The following CENPC variants were observed in gnomAD, a reference collection of about 807,000 sequenced individuals.
CENPC encodes the protein CENP-C 1.
Under a neutral mutation model 112.1 loss-of-function variants are expected in CENPC, and 63 were observed. That is an observed-to-expected ratio of 0.56 (90% CI 0.46 to 0.69). The LOEUF is 0.69. Ranked by LOEUF, CENPC falls within the 30% of genes least tolerant of loss-of-function variation. The probability of loss-of-function intolerance (pLI) is 0.00; values close to 1 mark genes in which losing one functional copy is unlikely to be tolerated. For missense variants in CENPC, 1,000 were observed against 1,103.8 expected (o/e 0.91, Z 1.33); for synonymous variants, 333 against 367.6 (o/e 0.91, Z 1.08).
chr4:67,522,580 G>A (rs1286439397), intron 5 of CENPC, among the ~76,000 whole-genome samples: 1 of 152,188 alleles, frequency 6.6e-6, no homozygotes, highest in Admixed American at 6.5e-5. Flanking sequence ...GCCAAGCAGA[G>A]CCATATAGCC....
Position 67,472,450 on chromosome 4 carries a change from G to A in CENPC, c.*155C>T. On this transcript the variant is annotated 3_prime_UTR_variant, in exon 19 of 19. Coordinates refer to ENST00000273853, the MANE Select transcript of CENPC (RefSeq NM_001812.4). ...CTGAAAAATCAGAAAAAACATGTGA[G>A]TTAGAAATGTTTATCAAATACAAGT... The A allele has an allele frequency of 9.8e-7, 1 of 1,021,536 alleles. No individual in the cohort carries two copies. Among genetic ancestry groups the A allele is most frequent in the South Asian group, 4.2e-5 (1 of 23,910 alleles). The allele number at this position is 1,021,536 out of a possible 1,614,324, so 63.3% of individuals were successfully genotyped here. A position where few individuals can be genotyped will look rare whatever the true frequency, so the allele number is the denominator to read the frequency against.
At position 67,492,975 on chromosome 4, in the gene CENPC, T is replaced by C; in HGVS notation, c.2313A>G (p.Val771=). 5 of 1,536,022 alleles carry C rather than the reference T, an allele frequency of 3.3e-6. No homozygotes were observed. Among genetic ancestry groups the C allele is most frequent in the Non-Finnish European group, 4.4e-6 (5 of 1,143,434 alleles). ...TAGACGATATTGTGTCTGGAGATAG[T>C]ACTCCACTAATCACGAATCCTCCTG... ...RPSGGFVISG[V]LSPDTISSKR... Residue 771 remains valine, a synonymous_variant, in exon 15 of 19, where the codon GTA becomes GTG. Transcript: ENST00000273853.
chr4:67,476,132 C>G (rs1170265648), intron 17 of CENPC, among the ~76,000 whole-genome samples: 2 of 152,100 alleles, frequency 1.3e-5, no homozygotes, highest in African/African-American at 4.8e-5. Flanking sequence ...ATAGCACATA[C>G]AGGAAAAAGT....
intron 16 of CENPC, among the ~76,000 whole-genome samples, chr4:67,490,855 T>TAC (rs1560422700): frequency 2.2e-4 from 4 of 18,538 alleles, no homozygotes; most frequent in Admixed American, 1.1e-3. Flanking sequence ...TATATATATA[T>TAC]ATATATATAT....
chr4:67,502,150 A>G (rs1359780945), intron 12 of CENPC, among the ~76,000 whole-genome samples: 4 of 152,088 alleles, frequency 2.6e-5, no homozygotes, highest in African/African-American at 9.7e-5. Flanking sequence ...ACTCAAGATT[A>G]TGTTCTCTAT....
At position 67,490,066 on chromosome 4, in the gene CENPC, CT is replaced by C; in HGVS notation, c.2570del (p.Lys857ArgfsTer16). The C allele has an allele frequency of 6.2e-7, 1 of 1,609,638 alleles. No individual in the cohort carries two copies. The highest frequency in any genetic ancestry group is 1.1e-5 in the South Asian group (1 of 90,180). ...YQFFVKHGELKVYKTLDTPFF... is the reference protein window; with the variant it reads ...YQFFVKHGELXVYKTLDTPFF... ...AGGGTGTATCCAATGTCTTGTATACCTTCAACTCACCATGCTTAACAAAAAA... is the reference window on the plus strand; with the variant it reads ...AGGGTGTATCCAATGTCTTGTATACCTCAACTCACCATGCTTAACAAAAAA... On this transcript the variant is annotated frameshift_variant, in exon 17 of 19. Coordinates refer to ENST00000273853, the MANE Select transcript of CENPC (RefSeq NM_001812.4). LOFTEE classifies it high-confidence loss of function.
At chr4:67,530,064 C>A (rs144286859) in intron 5 of CENPC, among the ~76,000 whole-genome samples, 2 of 151,526 alleles carry the variant, frequency 1.3e-5, no homozygotes, top group Non-Finnish European at 2.9e-5. Context: ...TGTTACATAC[C>A]GAAACACATT....
At chr4:67,500,319 G>C (rs896441346) in intron 12 of CENPC, among the ~76,000 whole-genome samples, 2 of 152,082 alleles carry the variant, frequency 1.3e-5, no homozygotes, top group African/African-American at 4.8e-5. Context: ...AATAGATATA[G>C]ATGCCTGTAT....
chr4:67,516,783 C>T (rs796149020), intron 7 of CENPC, among the ~76,000 whole-genome samples: 8 of 152,048 alleles, frequency 5.3e-5, no homozygotes, highest in East Asian at 3.9e-4. Flanking sequence ...AACTATGAAA[C>T]GCTTTGTAGC....
At chr4:67,487,001 G>A (rs1411558044) in intron 17 of CENPC, among the ~76,000 whole-genome samples, 1 of 139,938 alleles carries the variant, frequency 7.1e-6, no homozygotes, top group Non-Finnish European at 1.5e-5. Context: ...TTAAGGCATG[G>A]GGTTGGCAAG....
Position 67,544,152 on chromosome 4 carries a change from G to C in CENPC, c.62C>G (p.Ser21Cys), listed in dbSNP as rs1467532508. The C allele has an allele frequency of 6.7e-7, 1 of 1,503,614 alleles. No homozygotes were observed. The allele number at this position is 1,503,614 out of a possible 1,614,324, so 93.1% of individuals were successfully genotyped here. A position where few individuals can be genotyped will look rare whatever the true frequency, so the allele number is the denominator to read the frequency against. The change falls in exon 2 of 19, where the codon TCC becomes TGC. Residue 21 changes from serine (S) to cysteine (C), a missense_variant. Coordinates refer to ENST00000273853, the MANE Select transcript of CENPC (RefSeq NM_001812.4). The part of the protein sequence containing the change: ...NGYRRRFCRP[S>C]RARDINTEQG... ...AAAGCTTAAGTACGTAAATCACCTG[G>C]AAGGTCGACAAAATCTTCTTCTGTA...
At chr4:67,509,633 T>C (rs1273364748) in intron 9 of CENPC, among the ~76,000 whole-genome samples, 1 of 152,178 alleles carries the variant, frequency 6.6e-6, no homozygotes, top group African/African-American at 2.4e-5. Flanking sequence ...GCAAGACTAC[T>C]ACTCCTATCC....
At chr4:67,543,535 A>G (rs774342552) in intron 2 of CENPC, among the ~76,000 whole-genome samples, 4 of 152,202 alleles carry the variant, frequency 2.6e-5, no homozygotes, top group Non-Finnish European at 5.9e-5. Flanking sequence ...ATTTTTGTCC[A>G]TTAAATTGTT....
At chr4:67,530,946 AT>A in intron 4 of CENPC, 32 bp from the exon 5 acceptor site, 2 of 1,129,412 alleles carry the variant, frequency 1.8e-6, no homozygotes, top group South Asian at 1.5e-5. Context: ...CATTAGAACT[AT>A]TTTATTAACT....
At chr4:67,523,725 T>C (rs887853203) in intron 5 of CENPC, among the ~76,000 whole-genome samples, 2 of 152,148 alleles carry the variant, frequency 1.3e-5, no homozygotes, top group South Asian at 2.1e-4. Flanking sequence ...GCAACAACTC[T>C]ACAGGAGTGA....
At chr4:67,497,522 T>C (rs575676885) in intron 12 of CENPC, among the ~76,000 whole-genome samples, 1 of 152,276 alleles carries the variant, frequency 6.6e-6, no homozygotes, top group South Asian at 2.1e-4. Flanking sequence ...ATAAAAGTTA[T>C]TTCTTTTGCT....
intron 9 of CENPC, chr4:67,511,091 T>C (rs1725881295): frequency 2.2e-6 from 1 of 455,642 alleles, no homozygotes; most frequent in Admixed American, 2.4e-5. Context: ...TACTAACATA[T>C]GCCACCTACT....
At chr4:67,518,664 CA>C (rs1196326700) in intron 6 of CENPC, among the ~76,000 whole-genome samples, 2 of 152,162 alleles carry the variant, frequency 1.3e-5, no homozygotes, top group African/African-American at 4.8e-5. Context: ...AGCACTGTGA[CA>C]GACCAAACTT....
intron 7 of CENPC, among the ~76,000 whole-genome samples, chr4:67,515,391 A>G (rs190952217): frequency 6.6e-6 from 1 of 151,824 alleles, no homozygotes; most frequent in Admixed American, 6.5e-5. Context: ...ACTTGAACCC[A>G]GGAGGCAGAG....
Sources: gnomAD v4.1 joint callset for allele counts (sites outside exome capture counted in the v4.1 genomes callset) on GRCh38, gnomAD v4.1.1 for gene constraint, MANE v1.5 for transcripts, NCBI Gene and HGNC (gene_info 2026-07-23, HGNC 2026-07-21) for gene names.